RLF: variants seen among roughly 807,000 people sequenced by gnomAD.
The protein encoded by RLF is zinc finger protein Rlf.
A neutral mutation model predicts 162.9 loss-of-function variants in RLF; 7 were observed. The observed-to-expected ratio is 0.04, with a 90% CI of 0.02 to 0.08. The LOEUF (loss-of-function observed/expected upper bound fraction) is 0.08, where lower values mean the gene tolerates loss of function less well. Among genes scored for constraint, RLF ranks in the 10% least tolerant of loss-of-function variants. The pLI is 1.00. For missense variants in RLF, 1,664 were observed against 2,244.7 expected (o/e 0.74, Z 5.23); for synonymous variants, 782 against 791.5 (o/e 0.99, Z 0.20).
chr1:40,226,738 T>C (rs1643083845), intron 6 of RLF, among the ~76,000 whole-genome samples: 1 of 152,114 alleles, frequency 6.6e-6, no homozygotes, highest in African/African-American at 2.4e-5. Flanking sequence ...AATTCCACAG[T>C]TTTATTTACT....
intron 6 of RLF, among the ~76,000 whole-genome samples, chr1:40,226,121 G>T (rs930712512): frequency 2.0e-5 from 3 of 152,016 alleles, no homozygotes; most frequent in Non-Finnish European, 1.5e-5. Flanking sequence ...TAGAAATTTC[G>T]CTCAGAGACA....
At chr1:40,182,162 G>A (rs1336537419) in intron 1 of RLF, among the ~76,000 whole-genome samples, 1 of 152,128 alleles carries the variant, frequency 6.6e-6, no homozygotes, top group Admixed American at 6.5e-5. Context: ...CGGCCGGCAT[G>A]GTGGCTCATG....
chr1:40,195,590 A>G (rs766573532), intron 3 of RLF, 42 bp from the exon 4 acceptor site: 5 of 1,550,170 alleles, frequency 3.2e-6, no homozygotes, highest in African/African-American at 2.8e-5. Flanking sequence ...ACTAATTTTT[A>G]TATTGTTAAC....
chr1:40,175,784 CAA>C (rs767336748), intron 1 of RLF, among the ~76,000 whole-genome samples: 11 of 91,794 alleles, frequency 1.2e-4, no homozygotes, highest in East Asian at 3.0e-4. Flanking sequence ...GACTCCATCT[CAA>C]AAAAAAAAAA....
At chr1:40,220,571 A>G (rs571090361) in intron 5 of RLF, among the ~76,000 whole-genome samples, 38 of 152,312 alleles carry the variant, frequency 2.5e-4, no homozygotes, top group African/African-American at 8.7e-4. Flanking sequence ...TTTGATTCTT[A>G]GTAACTGCTT....
At position 40,240,491 on chromosome 1, in the gene RLF, C is replaced by T. The variant is rs1409963061; in HGVS notation, c.*44C>T. 1 of 1,390,154 alleles carries T rather than the reference C, an allele frequency of 7.2e-7. No individual in the cohort carries two copies. Among genetic ancestry groups the T allele is most frequent in the East Asian group, 2.3e-5 (1 of 43,772 alleles). The allele number at this position is 1,390,154 out of a possible 1,614,324, so 86.1% of individuals were successfully genotyped here. A position where few individuals can be genotyped will look rare whatever the true frequency, so the allele number is the denominator to read the frequency against. On this transcript the variant is annotated 3_prime_UTR_variant, in exon 8 of 8. Coordinates refer to ENST00000372771, the MANE Select transcript of RLF (RefSeq NM_012421.4). The stretch of plus-strand genomic sequence containing the variant: ...TAACAGACTGGCTCCAACACTGCAA[C>T]ATGGGGACATTTGCCAACTCGAACA...
chr1:40,207,604 G>C (rs1642813072), intron 5 of RLF, among the ~76,000 whole-genome samples: 1 of 152,038 alleles, frequency 6.6e-6, no homozygotes, highest in Non-Finnish European at 1.5e-5. Context: ...TCTTTTATCA[G>C]ATTTTTTTGT....
At chr1:40,187,793 A>C (rs371348914) in intron 1 of RLF, among the ~76,000 whole-genome samples, 3 of 152,190 alleles carry the variant, frequency 2.0e-5, no homozygotes, top group East Asian at 1.9e-4. Flanking sequence ...ATTTGTGTGG[A>C]AACTAAAGCT....
chr1:40,226,658 A>G (rs1643082454), intron 6 of RLF, among the ~76,000 whole-genome samples: 1 of 152,172 alleles, frequency 6.6e-6, no homozygotes, highest in Non-Finnish European at 1.5e-5. Flanking sequence ...ATGGGGGTCA[A>G]TTACTATTGT....
intron 1 of RLF, among the ~76,000 whole-genome samples, chr1:40,179,094 C>T (rs1642372214): frequency 6.6e-6 from 1 of 152,188 alleles, no homozygotes; most frequent in Non-Finnish European, 1.5e-5. Context: ...CCAGGCCTCC[C>T]AAAATGCTGG....
At chr1:40,198,560 C>T (rs563986817) in intron 4 of RLF, among the ~76,000 whole-genome samples, 5 of 152,270 alleles carry the variant, frequency 3.3e-5, no homozygotes, top group South Asian at 2.1e-4. Context: ...CTCAGCCTCC[C>T]GAAGTGCTGG....
intron 5 of RLF, among the ~76,000 whole-genome samples, chr1:40,212,657 C>T (rs1642878361): frequency 6.6e-6 from 1 of 152,092 alleles, no homozygotes; most frequent in African/African-American, 2.4e-5. Flanking sequence ...CATTCTTAAT[C>T]CCTGAATGAA....
intron 5 of RLF, among the ~76,000 whole-genome samples, chr1:40,207,043 AT>A (rs1234633924): frequency 6.6e-6 from 1 of 151,984 alleles, no homozygotes; most frequent in African/African-American, 2.4e-5. Context: ...GCCTATTTGT[AT>A]TTTCTTCATA....
chr1:40,205,330 C>T (rs1028787568), intron 5 of RLF, among the ~76,000 whole-genome samples: 19 of 152,124 alleles, frequency 1.2e-4, no homozygotes, highest in African/African-American at 4.1e-4. Context: ...AACAACAGAA[C>T]GAGACTCTGT....
intron 7 of RLF, among the ~76,000 whole-genome samples, chr1:40,235,145 C>T (rs1394101043): frequency 6.7e-6 from 1 of 148,224 alleles, no homozygotes; most frequent in Admixed American, 6.8e-5. Context: ...AAACTGCAAC[C>T]TCCACCTCCT....
At chr1:40,211,889 A>G (rs555357423) in intron 5 of RLF, among the ~76,000 whole-genome samples, 2 of 152,244 alleles carry the variant, frequency 1.3e-5, no homozygotes, top group Non-Finnish European at 2.9e-5. Context: ...CGGCCTCCCA[A>G]AGTGCTGGGA....
At position 40,238,202 on chromosome 1, in the gene RLF, A is replaced by G. The variant is rs756324207; in HGVS notation, c.3500A>G (p.His1167Arg). Residue 1167 changes from histidine (H) to arginine (R), a missense_variant, in exon 8 of 8, where the codon CAT (histidine) becomes CGT (arginine). His to Arg is a conservative substitution (Grantham distance 29). Coordinates refer to ENST00000372771, the MANE Select transcript of RLF (RefSeq NM_012421.4). The surrounding 1 kb of genome is among the most constrained non-coding windows in gnomAD (Gnocchi z 5.2). ...GTCCTTCAGTTAACCATGTTCCAAC[A>G]TCGGTATTCCCCATTTCAGTGTCAT... ...EKVLQLTMFQ[H>R]RYSPFQCHIC... The G allele has an allele frequency of 1.1e-5, 17 of 1,614,022 alleles. No individual in the cohort carries two copies. The highest frequency in any genetic ancestry group is 1.3e-5 in the African/African-American group (1 of 74,948).
intron 1 of RLF, among the ~76,000 whole-genome samples, chr1:40,175,603 C>A (rs112862225): frequency 2.6e-5 from 4 of 151,530 alleles, no homozygotes; most frequent in Non-Finnish European, 5.9e-5. Context: ...GAGCTGAGAT[C>A]GAGCCATTGC....
chr1:40,185,985 C>T (rs998468548), intron 1 of RLF, among the ~76,000 whole-genome samples: 3 of 151,820 alleles, frequency 2.0e-5, no homozygotes, highest in Admixed American at 2.0e-4. Context: ...GGTGAAACCC[C>T]ATCTCTACTA....
Sources: allele counts gnomAD v4.1 joint callset (sites outside exome capture counted in the v4.1 genomes callset), GRCh38; gene constraint gnomAD v4.1.1; non-coding constraint Gnocchi (gnomAD v3.1); transcripts MANE v1.5; gene names NCBI Gene and HGNC (gene_info 2026-07-23, HGNC 2026-07-21).